The following COLEC10 variants were observed in gnomAD, a reference collection of about 807,000 sequenced individuals.
The protein encoded by COLEC10 is collectin subfamily member 10, also known as collectin-10.
Under a neutral mutation model 28.4 loss-of-function variants are expected in COLEC10, and 22 were observed. The observed-to-expected ratio is 0.78, with a 90% confidence interval of 0.55 to 1.11. COLEC10 has a LOEUF of 1.11. Ranked by LOEUF, COLEC10 falls within the 50% of genes least tolerant of loss-of-function variation. The pLI is 0.00. For synonymous variants in COLEC10, 125 were observed against 116.1 expected (o/e 1.08, Z -0.49); for missense variants, 361 against 344.1 (o/e 1.05, Z -0.39).
chr8:119,065,264 C>G (rs1412306463), upstream of COLEC10, among the ~76,000 whole-genome samples: 1 of 152,114 alleles, frequency 6.6e-6, no homozygotes, highest in Non-Finnish European at 1.5e-5. Context: ...ACAGCTGCCC[C>G]CACATCAGTC....
intron 1 of COLEC10, among the ~76,000 whole-genome samples, chr8:119,006,097 T>A (rs1293284133): frequency 6.6e-6 from 1 of 152,086 alleles, no homozygotes; most frequent in Non-Finnish European, 1.5e-5. Context: ...GAGTTCATTT[T>A]CTACCCTCTG....
the COLEC10 span, among the ~76,000 whole-genome samples, chr8:118,961,327 C>T: frequency 6.6e-5 from 10 of 152,308 alleles, no homozygotes; most frequent in Admixed American, 5.9e-4. Context: ...CTGTTTCATG[C>T]AATTCAAACC....
chr8:119,031,480 C>G (rs1248275954), intron 2 of COLEC10, among the ~76,000 whole-genome samples: 1 of 152,188 alleles, frequency 6.6e-6, no homozygotes, highest in African/African-American at 2.4e-5. Context: ...GTGGTAGAAC[C>G]TGGGCTGAGT....
At chr8:119,068,854 G>A (rs906008493) in intron 1 of COLEC10, 2 of 151,968 alleles carry the variant, frequency 1.3e-5, no homozygotes, top group Non-Finnish European at 1.5e-5. Context: ...AGTCTGTTAT[G>A]TTCTTGGGTG....
intron 2 of COLEC10, among the ~76,000 whole-genome samples, chr8:119,017,364 A>T (rs1231028883): frequency 6.6e-6 from 1 of 152,198 alleles, no homozygotes; most frequent in Non-Finnish European, 1.5e-5. Context: ...CAATTTAAGC[A>T]GGTAATTGTT....
chr8:119,082,743 G>T (rs1563738112), intron 1 of COLEC10, among the ~76,000 whole-genome samples: 1 of 152,196 alleles, frequency 6.6e-6, no homozygotes, highest in Non-Finnish European at 1.5e-5. Context: ...GCACCAGCCT[G>T]CCCTCATATA....
At position 119,049,538 on chromosome 8, in the gene COLEC10, C is replaced by A. The variant is rs575087969; in HGVS notation, n.235+39985C>A. ...CACGCCATTCTCCTGCCCCAGCCTC[C>A]TAAGTAGCTGGGACTATAGGCGCCC... is the stretch of plus-strand genomic sequence containing the variant. On this transcript the variant is annotated intron_variant and non_coding_transcript_variant, in intron 2 of 6. Transcript: ENST00000521788. Among the ~76,000 whole-genome samples, 4 of 149,932 alleles carry A rather than the reference C, an allele frequency of 2.7e-5. No homozygotes were observed. The South Asian group carries it at 8.5e-4, about 32-fold the overall frequency.
rs190901568 is a variant in COLEC10 at position 119,078,534 on chromosome 8, C to T, written c.148+11105C>T. On this transcript the variant is annotated intron_variant, in intron 1 of 5. Transcript: ENST00000332843. The stretch of plus-strand genomic sequence containing the variant: ...CTTCAGAAGTAAAATTGGGAGATTA[C>T]GAGTTCTTAATTGTGTTTGAGTTAC... Among the ~76,000 whole-genome samples the T allele has an allele frequency of 1.9e-4, 29 of 152,210 alleles. No homozygotes were observed. In the East Asian group the frequency reaches 4.1e-3, roughly 21 times the overall value.
chr8:119,032,033 A>G (rs192452975), intron 2 of COLEC10, among the ~76,000 whole-genome samples: 1 of 152,346 alleles, frequency 6.6e-6, no homozygotes, highest in African/African-American at 2.4e-5. Context: ...TCCCCATTTT[A>G]CAGACGGGAA....
chr8:119,004,739 G>A (rs78712798), intron 1 of COLEC10, among the ~76,000 whole-genome samples: 3 of 151,586 alleles, frequency 2.0e-5, no homozygotes, highest in African/African-American at 7.3e-5. Flanking sequence ...CTAACTTGTA[G>A]TAGGTCACCC....
chr8:119,057,240 T>C (rs1422107483), intron 2 of COLEC10, among the ~76,000 whole-genome samples: 1 of 152,076 alleles, frequency 6.6e-6, no homozygotes, highest in Non-Finnish European at 1.5e-5. Context: ...TGCTCTTCTT[T>C]CTCATGCCTC....
intron 1 of COLEC10, among the ~76,000 whole-genome samples, chr8:119,001,672 G>A (rs1054881908): frequency 5.3e-5 from 8 of 151,600 alleles, no homozygotes; most frequent in Non-Finnish European, 1.0e-4. Flanking sequence ...CCTGGTTCTC[G>A]ATTCCACTTT....
intron 1 of COLEC10, among the ~76,000 whole-genome samples, chr8:119,007,286 A>G (rs569465638): frequency 1.3e-5 from 2 of 152,252 alleles, no homozygotes; most frequent in South Asian, 2.1e-4. Context: ...TGGACTTTGG[A>G]TAGAACCTAC....
chr8:119,077,057 A>G (rs1404965276), intron 1 of COLEC10, among the ~76,000 whole-genome samples: 1 of 152,184 alleles, frequency 6.6e-6, no homozygotes, highest in African/African-American at 2.4e-5. Flanking sequence ...AATGTCACCA[A>G]TGATTCTGGG....
At chr8:119,008,473 A>G (rs967796093) in intron 1 of COLEC10, among the ~76,000 whole-genome samples, 3 of 112,772 alleles carry the variant, frequency 2.7e-5, no homozygotes, top group African/African-American at 1.2e-4. Flanking sequence ...GTTTATTTTT[A>G]CTTTTTATTT....
In COLEC10 at chr8:119,003,587, A is replaced by ATCAGAGGATGCTCAGAGGATGAATT. The variant is rs1465522021; in HGVS notation, n.123-5853_123-5852insCAGAGGATGCTCAGAGGATGAATTT. 1.1e-4 allele frequency among the ~76,000 whole-genome samples: 16 copies of ATCAGAGGATGCTCAGAGGATGAATT among 152,192 alleles called. 1 individual carries two copies. Among genetic ancestry groups the ATCAGAGGATGCTCAGAGGATGAATT allele is most frequent in the African/African-American group, 3.9e-4 (16 of 41,550 alleles). On this transcript the variant is annotated intron_variant and non_coding_transcript_variant, in intron 1 of 6. Coordinates refer to the COLEC10 transcript ENST00000521788. ...TGGGTAGTTCAAGCATTTGATTGGC[A>ATCAGAGGATGCTCAGAGGATGAATT]TGGGGCTCAGAGGATGAATTAATGG... is the stretch of plus-strand genomic sequence containing the variant.
chr8:119,006,149 GCTT>G (rs1362468966), intron 1 of COLEC10, among the ~76,000 whole-genome samples: 1 of 151,954 alleles, frequency 6.6e-6, no homozygotes, highest in Middle Eastern at 3.2e-3. Context: ...TATATTTCTG[GCTT>G]CTTTATGCTC....
chr8:118,955,990 A>G, the COLEC10 span, among the ~76,000 whole-genome samples: 6 of 152,216 alleles, frequency 3.9e-5, no homozygotes, highest in African/African-American at 1.4e-4. Context: ...TGTCAAATTT[A>G]AGCAACAAAA....
At chr8:119,035,032 T>C (rs867729746) in intron 2 of COLEC10, among the ~76,000 whole-genome samples, 2 of 152,234 alleles carry the variant, frequency 1.3e-5, no homozygotes, top group South Asian at 2.1e-4. Context: ...TCCCTGTTCA[T>C]TGGGCAAGAC....
Sources: gnomAD v4.1 joint callset for allele counts (sites outside exome capture counted in the v4.1 genomes callset) on GRCh38, gnomAD v4.1.1 for gene constraint, MANE v1.5 for transcripts, NCBI Gene and HGNC (gene_info 2026-07-23, HGNC 2026-07-21) for gene names.